TJP1: variants seen among roughly 807,000 people sequenced by gnomAD.
TJP1 encodes the protein tight junction protein 1.
Under a neutral mutation model 194.2 loss-of-function variants are expected in TJP1, and 43 were observed. The ratio of observed to expected loss-of-function variants is 0.22; its 90% CI spans 0.17 to 0.29. TJP1 has a LOEUF of 0.29. Among genes scored for constraint, TJP1 ranks in the 10% least tolerant of loss-of-function variants. TJP1 has a pLI of 1.00. For synonymous variants in TJP1, 801 were observed against 779.0 expected (o/e 1.03, Z -0.47); for missense variants, 1,971 against 2,185.7 (o/e 0.90, Z 1.96).
chr15:29,939,560 CAATGCTG>C lies in TJP1; in HGVS notation c.306+16665_306+16671del, dbSNP rs970235416. Among the ~76,000 whole-genome samples, 3 of 152,166 alleles carry C rather than the reference CAATGCTG, an allele frequency of 2.0e-5. No individual in the cohort carries two copies. The South Asian group carries it at 6.2e-4, about 32-fold the overall frequency. On this transcript the variant is annotated intron_variant, in intron 2 of 28. Transcript: ENST00000356107. ...TGACTCTGAAGGTGAAAGCTGGCAG[CAATGCTG>C]GTGAGTCATAAGAGAAGGCAAGGAA... is the stretch of plus-strand genomic sequence containing the variant.
At chr15:29,852,201 A>C (rs2051668573) in intron 2 of TJP1, among the ~76,000 whole-genome samples, 1 of 152,232 alleles carries the variant, frequency 6.6e-6, no homozygotes, top group African/African-American at 2.4e-5. Flanking sequence ...TACAGAATGA[A>C]AGAAAATATT....
chr15:29,826,763 A>G (rs2050689781), upstream of TJP1, among the ~76,000 whole-genome samples: 2 of 152,126 alleles, frequency 1.3e-5, no homozygotes, highest in African/African-American at 4.8e-5. Context: ...CTACCTACCA[A>G]GGTGTGCACT....
intron 2 of TJP1, among the ~76,000 whole-genome samples, chr15:29,944,781 G>A (rs759530566): frequency 1.3e-5 from 2 of 152,032 alleles, no homozygotes; most frequent in Non-Finnish European, 2.9e-5. Context: ...ACTGCTTTTT[G>A]TTTATTTTAT....
At chr15:29,810,824 A>C (rs999498877) in intron 1 of TJP1, among the ~76,000 whole-genome samples, 1 of 152,134 alleles carries the variant, frequency 6.6e-6, no homozygotes, top group Non-Finnish European at 1.5e-5. Context: ...CACGTGCAAG[A>C]GCCTAGTGTA....
intron 24 of TJP1, 28 bp downstream of exon 24, chr15:29,710,803 T>G (rs751723725): frequency 4.3e-6 from 7 of 1,613,408 alleles, no homozygotes; most frequent in Non-Finnish European, 5.9e-6. Flanking sequence ...CATTACTGTG[T>G]TAAAATGTCT....
At chr15:29,731,168 A>ATTC (rs2043632147) in intron 15 of TJP1, among the ~76,000 whole-genome samples, 1 of 151,512 alleles carries the variant, frequency 6.6e-6, no homozygotes, top group Non-Finnish European at 1.5e-5. Flanking sequence ...CACTAATAGA[A>ATTC]TGTCTCCAAA....
At chr15:29,731,589 A>C (rs1216557684) in intron 15 of TJP1, among the ~76,000 whole-genome samples, 1 of 152,224 alleles carries the variant, frequency 6.6e-6, no homozygotes, top group Non-Finnish European at 1.5e-5. Flanking sequence ...GCTAAATGTG[A>C]AATGTCAACC....
At chr15:29,719,736 A>G in intron 20 of TJP1, 41 bp downstream of exon 20, 2 of 1,583,954 alleles carry the variant, frequency 1.3e-6, no homozygotes, top group Non-Finnish European at 1.7e-6. Flanking sequence ...TGCCAGATTG[A>G]TGGACAGCAA....
At chr15:29,786,347 A>G (rs2047698639) in intron 2 of TJP1, among the ~76,000 whole-genome samples, 1 of 152,196 alleles carries the variant, frequency 6.6e-6, no homozygotes, top group Non-Finnish European at 1.5e-5. Flanking sequence ...TCTCTATAAA[A>G]TTAGCCTCAC....
chr15:29,819,742 A>T (rs2050195304), intron 1 of TJP1, among the ~76,000 whole-genome samples: 1 of 152,190 alleles, frequency 6.6e-6, no homozygotes, highest in African/African-American at 2.4e-5. Flanking sequence ...CCATCCAGAA[A>T]ATACATTGTT....
chr15:29,733,691 G>A (rs569971448), intron 12 of TJP1, among the ~76,000 whole-genome samples: 4 of 152,150 alleles, frequency 2.6e-5, no homozygotes, highest in Admixed American at 2.6e-4. Flanking sequence ...ATGCAGTTTT[G>A]ACTGCCCCAT....
At chr15:29,724,696 T>C (rs1347359506) in intron 18 of TJP1, among the ~76,000 whole-genome samples, 1 of 152,200 alleles carries the variant, frequency 6.6e-6, no homozygotes, top group Non-Finnish European at 1.5e-5. Context: ...TGAAGTAGTT[T>C]TAGTTTAAGA....
intron 1 of TJP1, among the ~76,000 whole-genome samples, chr15:29,961,988 T>C (rs560617481): frequency 2.0e-5 from 3 of 152,328 alleles, no homozygotes; most frequent in Middle Eastern, 3.4e-3. Flanking sequence ...GAGAAAGATA[T>C]ACACCAATCC....
rs572377761 is a variant in TJP1, at chr15:29,715,218, T to C, written c.4202+1393A>G. Among the ~76,000 whole-genome samples, 6 of 152,244 alleles carry C rather than the reference T, an allele frequency of 3.9e-5. No individual in the cohort carries two copies. The South Asian group carries it at 8.3e-4, about 21-fold the overall frequency. On this transcript the variant is annotated intron_variant, in intron 23 of 27. Transcript: ENST00000614355. ...GTGGGTTTATATTGTGCTAGCTCAC[T>C]TCAGTCCAGACACCATCTAGATGCC...
In TJP1 at chr15:29,732,726, C is replaced by G. The variant is rs531956051; in HGVS notation, c.1826G>C (p.Ser609Thr). 6.2e-7 allele frequency: 1 copy of G among 1,614,166 alleles called. No homozygotes were observed. Among genetic ancestry groups the G allele is most frequent in the East Asian group, 2.2e-5 (1 of 44,884 alleles). The change falls in exon 14 of 28, where the codon AGC (serine) becomes ACC (threonine). Residue 609 changes from serine to threonine, a missense_variant. Physicochemically the swap from Ser to Thr is moderately conservative, Grantham distance 58. This residue lies in a region of TJP1 where 402 missense variants were observed against 484.2 expected (regional missense o/e 0.83). Coordinates refer to ENST00000614355, the MANE Select transcript of TJP1 (RefSeq NM_001330239.4). The stretch of plus-strand genomic sequence containing the variant: ...GCTTTTTCGAAGATTTCTCTTGGAG[C>G]TGCGAAGACCTCTGAATCTCCAGAA... The part of the protein sequence containing the change: ...ADFWRFRGLR[S>T]SKRNLRKSRE...
chr15:29,731,102 T>G, intron 15 of TJP1: 1 of 668,452 alleles, frequency 1.5e-6, no homozygotes. Context: ...TTTTTTAAGC[T>G]ATGTTGTTCG....
At chr15:29,737,563 G>A in intron 10 of TJP1, 149 bp from the exon 11 acceptor site, 6 of 842,762 alleles carry the variant, frequency 7.1e-6, no homozygotes, top group Non-Finnish European at 1.0e-5. Context: ...ATAAAATTTA[G>A]TGTTAGAATT....
At chr15:29,755,021 A>G (rs1243141981) in intron 8 of TJP1, among the ~76,000 whole-genome samples, 1 of 152,224 alleles carries the variant, frequency 6.6e-6, no homozygotes, top group African/African-American at 2.4e-5. Context: ...CTAAGACCAC[A>G]TAAGGATATT....
Position 29,773,214 on chromosome 15 carries a change from C to T in TJP1, c.209+19G>A, listed in dbSNP as rs1410761522. The stretch of plus-strand genomic sequence containing the variant: ...AACACTGCTTGTTGCACAGTGCCCA[C>T]GATAAGCAGCACTCTTACTGTAGCT... On this transcript the variant is annotated intron_variant, in intron 3 of 27. Transcript: ENST00000614355. 3 of 1,612,786 alleles carry T rather than the reference C, an allele frequency of 1.9e-6. No homozygotes were observed. The highest frequency in any genetic ancestry group is 1.1e-5 in the South Asian group (1 of 90,910).
Sources: gnomAD v4.1 joint callset for allele counts (sites outside exome capture counted in the v4.1 genomes callset) on GRCh38, gnomAD v4.1.1 for gene constraint, gnomAD v4.1.1 regional missense constraint, MANE v1.5 for transcripts, NCBI Gene and HGNC (gene_info 2026-07-23, HGNC 2026-07-21) for gene names.